CRB2: variants seen among roughly 807,000 people sequenced by gnomAD.
CRB2 encodes the protein protein crumbs homolog 2.
A neutral mutation model predicts 110.9 loss-of-function variants in CRB2; 85 were observed. The observed-to-expected ratio is 0.77, with a 90% CI of 0.64 to 0.92. The LOEUF (loss-of-function observed/expected upper bound fraction) is 0.92, where lower values mean the gene tolerates loss of function less well. CRB2 is among the 40% of genes least tolerant of loss of function. The pLI is 0.00. For missense variants in CRB2, 1,843 were observed against 1,851.3 expected, an observed-to-expected ratio of 1.00 and a Z score of 0.08; for synonymous variants, 907 against 831.0, an observed-to-expected ratio of 1.09 and a Z score of -1.57.
intron 6 of CRB2, 85 bp from the exon 7 acceptor site, chr9:123,370,023 C>T: frequency 1.4e-6 from 2 of 1,443,136 alleles, no homozygotes; most frequent in South Asian, 1.4e-5. Flanking sequence ...CTGAGGTCCC[C>T]ATCATAAGAG....
At chr9:123,375,390 C>A in intron 12 of CRB2, 47 bp downstream of exon 12, 1 of 1,530,082 alleles carries the variant, frequency 6.5e-7, no homozygotes, top group Non-Finnish European at 8.8e-7. Context: ...CCTGCTGGGC[C>A]CTTGGCGAGA....
At position 123,371,317 on chromosome 9, in the gene CRB2, C is replaced by T; in HGVS notation, c.2175C>T (p.Leu725=). ...VVLPGRWDDG[L]RHLVMLSFGP... ...TCCCTGGGCGCTGGGATGATGGGCT[C>T]CGTCACCTGGTGATGCTCAGCTTCG... The change falls in exon 8 of 13, where the codon CTC becomes CTT. Residue 725 remains leucine, a synonymous_variant. Transcript: ENST00000373631. 6.2e-7 allele frequency: 1 copy of T among 1,610,832 alleles called. No homozygotes were observed. The highest frequency in any genetic ancestry group is 8.5e-7 in the Non-Finnish European group (1 of 1,178,010).
rs1244770060 is a variant in CRB2, at chr9:123,359,443, T to TTTG, written c.94+3091_94+3092insGTT. Among the ~76,000 whole-genome samples, 63 of 44,128 alleles carry TTTG rather than the reference T, an allele frequency of 1.4e-3. No individual in the cohort carries two copies. In the East Asian group the frequency reaches 0.055, roughly 38 times the overall value. 28.9% of individuals were successfully genotyped at this position (44,128 alleles called of 152,430 possible). ...TTGTGGTTTTTCGTTTTTGTTTTGT[T>TTTG]TTTTTTTTTTTTTTTTTTTTTTTAA... On this transcript the variant is annotated intron_variant, in intron 1 of 12. Coordinates refer to ENST00000373631, the MANE Select transcript of CRB2 (RefSeq NM_173689.7).
chr9:123,373,769 T>C lies in CRB2; in HGVS notation c.3238T>C (p.Cys1080Arg). The C allele has an allele frequency of 6.3e-7, 1 of 1,590,756 alleles. No individual in the cohort carries two copies. ...CCGTGACCTCTTCGACGCCTTTGCC[T>C]GCGCCTGCGGCCCGGGGTGGGAAGG... ...ACRDLFDAFACACGPGWEGPR... is the reference protein window; with the variant it reads ...ACRDLFDAFARACGPGWEGPR... The change falls in exon 10 of 13, where the codon TGC (cysteine) becomes CGC (arginine). Residue 1080 changes from cysteine to arginine, a missense_variant. By Grantham distance (180) the Cys-to-Arg change is radical. Coordinates refer to ENST00000373631, the MANE Select transcript of CRB2 (RefSeq NM_173689.7).
rs1445510887 is a variant in CRB2, at chr9:123,370,753, C to T, written c.1700C>T (p.Ser567Phe). Residue 567 changes from serine (S) to phenylalanine (F), a missense_variant, in exon 7 of 13, where the codon TCC becomes TTC. Physicochemically the swap from Ser to Phe is radical, Grantham distance 155. Coordinates refer to ENST00000373631, the MANE Select transcript of CRB2 (RefSeq NM_173689.7). ...GCAACTCCGCTGCCTGCCGGGATCT[C>T]CTCTGCCCAGCTGGGGGACGCGACC... ...ASATPLPAGI[S>F]SAQLGDATFA... 4 of 1,603,012 alleles carry T rather than the reference C, an allele frequency of 2.5e-6. No homozygotes were observed. In the Admixed American group the frequency reaches 5.0e-5, roughly 20 times the overall value.
At position 123,377,117 on chromosome 9, in the gene CRB2, A is replaced by G; in HGVS notation, c.*55A>G. On this transcript the variant is annotated 3_prime_UTR_variant, in exon 13 of 13. Transcript: ENST00000373631. ...GAGGTCCTGAATGGTTTCTACCTGG[A>G]GACCCAAGGAAGCTGCTTCCAGGGC... 2.1e-6 allele frequency: 3 copies of G among 1,430,190 alleles called. No homozygotes were observed. The South Asian group carries it at 4.4e-5, about 21-fold the overall frequency. The allele number at this position is 1,430,190 out of a possible 1,614,324, so 88.6% of individuals were successfully genotyped here.
At chr9:123,366,395 G>T in intron 4 of CRB2, 29 bp downstream of exon 4, 2 of 1,526,532 alleles carry the variant, frequency 1.3e-6, no homozygotes, top group East Asian at 2.6e-5. Flanking sequence ...GCGGCCTGGC[G>T]GGGGGAGGGG....
chr9:123,361,745 T>C (rs185221144), intron 1 of CRB2, among the ~76,000 whole-genome samples: 1 of 152,304 alleles, frequency 6.6e-6, no homozygotes, highest in Non-Finnish European at 1.5e-5. Context: ...GGGGATTCTT[T>C]TATGATCTAA....
In CRB2 at chr9:123,366,099, G is replaced by T; in HGVS notation, c.601G>T (p.Asp201Tyr). Residue 201 changes from aspartate (D) to tyrosine (Y), a missense_variant, in exon 3 of 13, where the codon GAC becomes TAC. Physicochemically the swap from Asp to Tyr is radical, Grantham distance 160 (BLOSUM62 -3). Transcript: ENST00000373631. ...GTGCGCACATGGGGGCACGTGCCACGACCTGGTCAACGGGTGAGCGAGCGG... is the reference window on the plus strand; with the variant it reads ...GTGCGCACATGGGGGCACGTGCCACTACCTGGTCAACGGGTGAGCGAGCGG... ...QPCAHGGTCH[D>Y]LVNGFRCDCA... 1 of 1,514,184 alleles carries T rather than the reference G, an allele frequency of 6.6e-7. No individual in the cohort carries two copies. The highest frequency in any genetic ancestry group is 8.8e-7 in the Non-Finnish European group (1 of 1,137,990). The allele number at this position is 1,514,184 out of a possible 1,614,324, so 93.8% of individuals were successfully genotyped here.
intron 3 of CRB2, 44 bp downstream of exon 3, chr9:123,366,156 A>AG: frequency 7.3e-7 from 1 of 1,377,522 alleles, no homozygotes. Flanking sequence ...CGGGTGCCCG[A>AG]GGGCGGGGAG....
rs774707112 is a variant in CRB2 at position 123,372,356 on chromosome 9, C to T, written c.2602+14C>T. 6.3e-7 allele frequency: 1 copy of T among 1,575,050 alleles called. No homozygotes were observed. ...ATGGCTTTGTGTGTGAGTGTGTGTC[C>T]TGGGCAGCTCCCGTGCTGGGTGCTG... is the stretch of plus-strand genomic sequence containing the variant. On this transcript the variant is annotated intron_variant, in intron 9 of 12. Coordinates refer to ENST00000373631, the MANE Select transcript of CRB2 (RefSeq NM_173689.7).
At chr9:123,356,032 C>T, upstream of CRB2, 1 of 405,260 alleles carries the variant, frequency 2.5e-6, no homozygotes, top group South Asian at 1.0e-4. Flanking sequence ...CAGGTCAGCC[C>T]CACAGGCTAG....
At position 123,370,704 on chromosome 9, in the gene CRB2, G is replaced by A. The variant is rs1198710588; in HGVS notation, c.1651G>A (p.Val551Met). Residue 551 changes from valine to methionine, a missense_variant, in exon 7 of 13, where the codon GTG becomes ATG. Transcript: ENST00000373631. ...PARLCVASGP[V>M]ALASTASATP... ...CCGGCTCTGTGTGGCCTCTGGTCCT[G>A]TGGCCCTGGCTTCCACGGCTTCGGC... The A allele has an allele frequency of 3.1e-6, 5 of 1,605,046 alleles. No individual in the cohort carries two copies. Among genetic ancestry groups the A allele is most frequent in the Non-Finnish European group, 4.2e-6 (5 of 1,180,006 alleles).
Position 123,361,142 on chromosome 9 carries a change from G to C in CRB2, c.95-1723G>C, listed in dbSNP as rs866799610. 1.3e-4 allele frequency among the ~76,000 whole-genome samples: 20 copies of C among 150,536 alleles called. 1 individual carries two copies. The highest frequency in any genetic ancestry group is 6.9e-3 in the Middle Eastern group (2 of 290). On this transcript the variant is annotated intron_variant, in intron 1 of 12. Transcript: ENST00000373631. ...TTCAGATTGGATGGGCGGGGAGGGG[G>C]GGGGGTTCCTTGCACTGCACAGGTG...
chr9:123,373,008 T>C (rs899265281), intron 9 of CRB2, 126 bp from the exon 10 acceptor site: 1 of 723,144 alleles, frequency 1.4e-6, no homozygotes, highest in East Asian at 3.4e-5. Context: ...CAGGATTAGA[T>C]GATAGGTGGG....
rs1327799083 is a variant in CRB2, at chr9:123,364,335, TGGGCAGTGGGTTGTGC to T, written c.418+1180_418+1195del. ...TGGGTTGTTCGGGCAGTGGGTTGTG[TGGGCAGTGGGTTGTGC>T]GGGCAGTGGGTTGTGCGGGCAGTGG... On this transcript the variant is annotated intron_variant, in intron 2 of 12. Transcript: ENST00000373631. Among the ~76,000 whole-genome samples the T allele has an allele frequency of 4.3e-3, 631 of 147,144 alleles. 5 individuals are homozygous for T. Among genetic ancestry groups the T allele is most frequent in the Middle Eastern group, 0.017 (5 of 294 alleles).
At chr9:123,360,334 G>A (rs1473927187) in intron 1 of CRB2, among the ~76,000 whole-genome samples, 1 of 152,174 alleles carries the variant, frequency 6.6e-6, no homozygotes, top group Non-Finnish European at 1.5e-5. Flanking sequence ...CAGGCAGCCT[G>A]AGGTCAGGAG....
chr9:123,370,074 A>C (rs756082545), intron 6 of CRB2, 34 bp from the exon 7 acceptor site: 3 of 1,551,904 alleles, frequency 1.9e-6, no homozygotes, highest in Non-Finnish European at 2.6e-6. Flanking sequence ...CTGGCCCCAG[A>C]CATTACTGAA....
intron 8 of CRB2, 99 bp downstream of exon 8, chr9:123,371,677 G>C: frequency 6.5e-7 from 1 of 1,530,128 alleles, no homozygotes; most frequent in Non-Finnish European, 8.9e-7. Context: ...TGCTGATGAG[G>C]AAACTGAGGC....
Sources: allele counts gnomAD v4.1 joint callset (sites outside exome capture counted in the v4.1 genomes callset), GRCh38; gene constraint gnomAD v4.1.1; transcripts MANE v1.5; gene names NCBI Gene and HGNC (gene_info 2026-07-23, HGNC 2026-07-21).